CHRNB3: variants seen among roughly 807,000 people sequenced by gnomAD.
CHRNB3 encodes cholinergic receptor nicotinic beta 3 subunit.
CHRNB3 carries 37 observed loss-of-function variants against 40.6 expected under a neutral mutation model. The observed-to-expected ratio is 0.91, with a 90% CI of 0.70 to 1.20. CHRNB3 has a LOEUF of 1.20. CHRNB3 is among the 50% of genes most tolerant of loss of function. The pLI is 0.00. For synonymous variants in CHRNB3, 207 were observed against 207.1 expected (o/e 1.00, Z 0.00); for missense variants, 505 against 551.2 (o/e 0.92, Z 0.84).
chr8:42,707,335 T>C (rs1417820214), intron 1 of CHRNB3, among the ~76,000 whole-genome samples: 1 of 152,198 alleles, frequency 6.6e-6, no homozygotes, highest in Non-Finnish European at 1.5e-5. Flanking sequence ...AGGGTATGTC[T>C]CTCATGAGAT....
intron 3 of CHRNB3, among the ~76,000 whole-genome samples, chr8:42,712,118 G>T (rs984191081): frequency 3.3e-5 from 5 of 151,768 alleles, no homozygotes; most frequent in African/African-American, 4.8e-5. Context: ...TCAGCCTCCC[G>T]AGTAGCAGGG....
At chr8:42,699,513 C>T (rs1212540286) in intron 1 of CHRNB3, 1 of 152,220 alleles carries the variant, frequency 6.6e-6, no homozygotes, top group Non-Finnish European at 1.5e-5. Context: ...AATCCCAACA[C>T]TTTGGGAGGC....
chr8:42,725,837 G>A (rs748091617), intron 3 of CHRNB3: 17 of 821,972 alleles, frequency 2.1e-5, no homozygotes, highest in Non-Finnish European at 3.2e-5. Flanking sequence ...TCCACTATAC[G>A]CAGCATTTTT....
intron 3 of CHRNB3, among the ~76,000 whole-genome samples, chr8:42,714,625 A>T (rs749156854): frequency 6.6e-6 from 1 of 152,192 alleles, no homozygotes; most frequent in Non-Finnish European, 1.5e-5. Flanking sequence ...TTTTACACAG[A>T]TCTTAGTTCC....
intron 1 of CHRNB3, 85 bp from the exon 2 acceptor site, chr8:42,708,632 G>A: frequency 2.1e-6 from 3 of 1,455,410 alleles, no homozygotes; most frequent in Non-Finnish European, 1.9e-6. Context: ...TGGTGCAGGA[G>A]GCCAAGGCCA....
chr8:42,720,244 T>C (rs75899829), intron 3 of CHRNB3, among the ~76,000 whole-genome samples: 8,442 of 149,304 alleles, frequency 0.057, 304 homozygotes, highest in Middle Eastern at 0.1. Flanking sequence ...GCCTCCTGAG[T>C]AGCTGGGACT....
rs1816391060 is a variant in CHRNB3, at chr8:42,730,607, A to G, written c.263A>G (p.His88Arg). Residue 88 changes from histidine (H) to arginine (R), a missense_variant, in exon 4 of 6, where the codon CAC becomes CGC. Physicochemically the swap from His to Arg is conservative, Grantham distance 29. Transcript: ENST00000289957. ...NVWLKQEWTD[H>R]KLRWNPDDYG... is the part of the protein sequence containing the mutation. ...AATTTCATGCAGGAATGGACAGACC[A>G]CAAGTTACGCTGGAATCCTGATGAT... The G allele has an allele frequency of 1.9e-6, 3 of 1,603,314 alleles. No homozygotes were observed. The highest frequency in any genetic ancestry group is 2.2e-5 in the South Asian group (2 of 89,456).
At chr8:42,734,564 C>T (rs2128909107) in intron 5 of CHRNB3, among the ~76,000 whole-genome samples, 1 of 151,486 alleles carries the variant, frequency 6.6e-6, no homozygotes, top group African/African-American at 2.4e-5. Context: ...GGACTACAGG[C>T]ACCCGCCACC....
chr8:42,708,689 C>T, intron 1 of CHRNB3, 28 bp from the exon 2 acceptor site: 1 of 1,610,708 alleles, frequency 6.2e-7, no homozygotes, highest in Non-Finnish European at 8.5e-7. Context: ...CTCCCATTAA[C>T]CCAGGTCCAC....
Position 42,710,301 on chromosome 8 carries a change from T to C in CHRNB3, c.205-89T>C, listed in dbSNP as rs879059102. Reference sequence around the variant, plus strand: ...CCACTGCACTCCAGCCTGGGCAACATCTTGAGATCCCATTTCTAAAACAAC... The same window carrying C: ...CCACTGCACTCCAGCCTGGGCAACACCTTGAGATCCCATTTCTAAAACAAC... On this transcript the variant is annotated intron_variant, in intron 2 of 5. Coordinates refer to ENST00000289957, the MANE Select transcript of CHRNB3 (RefSeq NM_000749.5). 20 of 1,025,344 alleles carry C rather than the reference T, an allele frequency of 2.0e-5. No homozygotes were observed. In the South Asian group the frequency reaches 2.5e-4, roughly 13 times the overall value. The allele number at this position is 1,025,344 out of a possible 1,614,324, so 63.5% of individuals were successfully genotyped here. A position where few individuals can be genotyped will look rare whatever the true frequency, so the allele number is the denominator to read the frequency against.
chr8:42,730,515 G>A, intron 3 of CHRNB3, 79 bp from the exon 4 acceptor site: 1 of 886,842 alleles, frequency 1.1e-6, no homozygotes. Flanking sequence ...GCTTGGTAAA[G>A]CTAACAGAAA....
chr8:42,708,733 C>T lies in CHRNB3; in HGVS notation c.69C>T (p.Asn23=). 1.2e-6 allele frequency: 2 copies of T among 1,614,020 alleles called. No homozygotes were observed. The highest frequency in any genetic ancestry group is 1.7e-6 in the Non-Finnish European group (2 of 1,179,942). Residue 23 remains asparagine, a synonymous_variant, in exon 2 of 6, where the codon AAC becomes AAT. Transcript: ENST00000289957. ...GIPSSATTGF[N]SIAENEDALL... ...CTTTTACAGCCACCACAGGTTTCAA[C>T]TCAATCGCCGAAAATGAAGATGCCC...
chr8:42,726,169 C>T (rs1816305930), intron 3 of CHRNB3: 11 of 1,317,204 alleles, frequency 8.4e-6, no homozygotes, highest in Non-Finnish European at 1.2e-5. Flanking sequence ...GATAAGCTGT[C>T]CTCATTTTCA....
intron 3 of CHRNB3, among the ~76,000 whole-genome samples, chr8:42,718,668 GTC>G (rs1327295964): frequency 1.8e-5 from 1 of 56,662 alleles, no homozygotes; most frequent in Non-Finnish European, 3.3e-5. Context: ...GCAAGACTCT[GTC>G]TCAAAAAAAA....
intron 3 of CHRNB3, among the ~76,000 whole-genome samples, chr8:42,724,104 A>G (rs1353695734): frequency 6.6e-6 from 1 of 151,932 alleles, no homozygotes; most frequent in Non-Finnish European, 1.5e-5. Context: ...AAGAAAAAGA[A>G]AAGAAACCTA....
At chr8:42,704,761 C>G (rs1815892676) in intron 1 of CHRNB3, among the ~76,000 whole-genome samples, 1 of 152,090 alleles carries the variant, frequency 6.6e-6, no homozygotes, top group Non-Finnish European at 1.5e-5. Context: ...GTGCCTCCAT[C>G]CATTGTGAGA....
At chr8:42,712,976 C>T (rs1193716407) in intron 3 of CHRNB3, among the ~76,000 whole-genome samples, 1 of 151,622 alleles carries the variant, frequency 6.6e-6, no homozygotes, top group Non-Finnish European at 1.5e-5. Flanking sequence ...ATTCTTCTGC[C>T]TCAGCCTCCT....
chr8:42,723,145 G>A (rs552142117), intron 3 of CHRNB3, among the ~76,000 whole-genome samples: 14 of 149,928 alleles, frequency 9.3e-5, no homozygotes, highest in East Asian at 5.9e-4. Flanking sequence ...CTAAAATATC[G>A]TAAGTAATAG....
chr8:42,729,308 G>T (rs1816362939), intron 3 of CHRNB3, among the ~76,000 whole-genome samples: 1 of 152,060 alleles, frequency 6.6e-6, no homozygotes. Flanking sequence ...TACTCAGGAG[G>T]CTGAGGCAGG....
Sources: gnomAD v4.1 joint callset for allele counts (sites outside exome capture counted in the v4.1 genomes callset) on GRCh38, gnomAD v4.1.1 for gene constraint, MANE v1.5 for transcripts, NCBI Gene and HGNC (gene_info 2026-07-23, HGNC 2026-07-21) for gene names.